The following RASAL2 variants were observed in gnomAD, a reference collection of about 807,000 sequenced individuals.
The protein encoded by RASAL2 is ras GTPase-activating protein nGAP.
RASAL2 carries 58 observed loss-of-function variants against 128.9 expected under a neutral mutation model. That is an observed-to-expected ratio of 0.45 (90% CI 0.36 to 0.56). The LOEUF (loss-of-function observed/expected upper bound fraction) is 0.56. Among genes scored for constraint, RASAL2 ranks in the 20% least tolerant of loss-of-function variants. The probability of loss-of-function intolerance (pLI) is 0.00; values close to 1 mark genes in which losing one functional copy is unlikely to be tolerated. For synonymous variants in RASAL2, 561 were observed against 580.8 expected, an observed-to-expected ratio of 0.97 and a Z score of 0.49; for missense variants, 1,360 against 1,601.6, an observed-to-expected ratio of 0.85 and a Z score of 2.57.
intron 3 of RASAL2, among the ~76,000 whole-genome samples, chr1:178,379,573 T>C (rs1672168342): frequency 6.6e-6 from 1 of 152,172 alleles, no homozygotes; most frequent in Non-Finnish European, 1.5e-5. Flanking sequence ...CAATCAGTGA[T>C]AATTCAGTTT....
intron 2 of RASAL2, among the ~76,000 whole-genome samples, chr1:178,296,113 G>A (rs996365744): frequency 4.6e-5 from 5 of 108,732 alleles, no homozygotes; most frequent in Middle Eastern, 5.2e-3. Context: ...GTATATATGT[G>A]TGTATATATA....
chr1:178,332,569 A>T (rs908778681), intron 3 of RASAL2, among the ~76,000 whole-genome samples: 9 of 151,492 alleles, frequency 5.9e-5, no homozygotes, highest in African/African-American at 2.2e-4. Flanking sequence ...GATGGAAACC[A>T]TTCTTTATTT....
At position 178,128,881 on chromosome 1, in the gene RASAL2, A is replaced by G. The variant is rs540149777; in HGVS notation, c.202+34187A>G. Among the ~76,000 whole-genome samples, 221 of 152,146 alleles carry G rather than the reference A, an allele frequency of 1.5e-3. 3 individuals are homozygous for G. The highest frequency in any genetic ancestry group is 5.8e-4 in the East Asian group (3 of 5,172). On this transcript the variant is annotated intron_variant, in intron 1 of 17. Coordinates refer to ENST00000367649, the MANE Select transcript of RASAL2 (RefSeq NM_170692.4). ...AGTACTTCATTCTTTTTTTTGGCTG[A>G]ATAAGATTCTATTGTATAGATATAC... is the stretch of plus-strand genomic sequence containing the variant.
intron 1 of RASAL2, among the ~76,000 whole-genome samples, chr1:178,144,713 T>A (rs1660660017): frequency 6.6e-6 from 1 of 152,240 alleles, no homozygotes; most frequent in Non-Finnish European, 1.5e-5. Flanking sequence ...AATATGACTT[T>A]GGAATAATGC....
chr1:178,243,469 A>T (rs549296009), intron 1 of RASAL2, among the ~76,000 whole-genome samples: 1 of 152,110 alleles, frequency 6.6e-6, no homozygotes, highest in South Asian at 2.1e-4. Flanking sequence ...CCACCTGGCT[A>T]CCTGAATCTC....
intron 1 of RASAL2, among the ~76,000 whole-genome samples, chr1:178,207,905 G>A (rs1182605869): frequency 6.6e-6 from 1 of 152,068 alleles, no homozygotes; most frequent in African/African-American, 2.4e-5. Context: ...ATCATGTTGC[G>A]GGAGGTCAGG....
At chr1:178,292,829 A>G (rs1667340322) in intron 2 of RASAL2, among the ~76,000 whole-genome samples, 1 of 152,222 alleles carries the variant, frequency 6.6e-6, no homozygotes, top group Non-Finnish European at 1.5e-5. Flanking sequence ...TCTATTAGGC[A>G]GGGTCCATTT....
At chr1:178,242,711 GTGATACAGA>G (rs1664571242) in intron 1 of RASAL2, among the ~76,000 whole-genome samples, 1 of 151,798 alleles carries the variant, frequency 6.6e-6, no homozygotes, top group South Asian at 2.1e-4. Flanking sequence ...TAGATCTCTG[GTGATACAGA>G]TGTTGGATCT....
chr1:178,269,172 C>T (rs550488629), intron 1 of RASAL2, among the ~76,000 whole-genome samples: 1 of 152,146 alleles, frequency 6.6e-6, no homozygotes, highest in Non-Finnish European at 1.5e-5. Flanking sequence ...TCTCTCTTCC[C>T]CATGTGAGGA....
chr1:178,228,931 TCAA>T (rs1196627948), intron 1 of RASAL2, among the ~76,000 whole-genome samples: 11 of 152,128 alleles, frequency 7.2e-5, no homozygotes, highest in African/African-American at 2.7e-4. Flanking sequence ...TATTATAGAC[TCAA>T]AGGAAGAGGT....
At chr1:178,393,281 C>G (rs1244723455) in intron 4 of RASAL2, among the ~76,000 whole-genome samples, 5 of 152,136 alleles carry the variant, frequency 3.3e-5, no homozygotes, top group Non-Finnish European at 7.3e-5. Flanking sequence ...TTATGCAACT[C>G]ACCATAATGT....
At chr1:178,372,999 T>C (rs1671796925) in intron 3 of RASAL2, among the ~76,000 whole-genome samples, 1 of 152,110 alleles carries the variant, frequency 6.6e-6, no homozygotes, top group Admixed American at 6.6e-5. Context: ...TTGTGAATAC[T>C]TTCCCTAGAT....
chr1:178,385,415 C>T (rs772402125), intron 3 of RASAL2, among the ~76,000 whole-genome samples: 1 of 151,850 alleles, frequency 6.6e-6, no homozygotes, highest in East Asian at 1.9e-4. Flanking sequence ...CCAGCCTGGG[C>T]GACTGTCTTA....
intron 13 of RASAL2, among the ~76,000 whole-genome samples, 183 bp downstream of exon 13, chr1:178,457,082 T>G (rs1211559990): frequency 6.6e-6 from 1 of 152,236 alleles, no homozygotes; most frequent in Admixed American, 6.5e-5. Context: ...TGACTTATTT[T>G]CTAGAATGGT....
intron 1 of RASAL2, among the ~76,000 whole-genome samples, chr1:178,152,330 A>T (rs571609062): frequency 3.7e-4 from 56 of 152,332 alleles, no homozygotes; most frequent in Non-Finnish European, 7.2e-4. Flanking sequence ...TGCCCTACGC[A>T]TCTCTTTCAT....
chr1:178,421,627 A>AT (rs1402058124), intron 5 of RASAL2, among the ~76,000 whole-genome samples: 3 of 152,052 alleles, frequency 2.0e-5, no homozygotes, highest in African/African-American at 7.2e-5. Flanking sequence ...TGCCTCTCAT[A>AT]TTTGATACTC....
chr1:178,430,191 A>G (rs909208252), intron 5 of RASAL2, among the ~76,000 whole-genome samples: 12 of 152,076 alleles, frequency 7.9e-5, no homozygotes, highest in African/African-American at 2.7e-4. Flanking sequence ...AAGAATTACA[A>G]TCTTTTAAAA....
At chr1:178,104,856 C>G (rs1187188006) in intron 1 of RASAL2, among the ~76,000 whole-genome samples, 5 of 152,134 alleles carry the variant, frequency 3.3e-5, no homozygotes, top group Non-Finnish European at 7.4e-5. Context: ...AGTATAGACT[C>G]AAAGCAATTG....
At chr1:178,254,734 G>A (rs577878251) in intron 1 of RASAL2, among the ~76,000 whole-genome samples, 2 of 152,070 alleles carry the variant, frequency 1.3e-5, no homozygotes, top group East Asian at 1.9e-4. Context: ...AGGAGAGAGA[G>A]AAAGAAACAG....
Sources: allele counts gnomAD v4.1 joint callset (sites outside exome capture counted in the v4.1 genomes callset), GRCh38; gene constraint gnomAD v4.1.1; transcripts MANE v1.5; gene names NCBI Gene and HGNC (gene_info 2026-07-23, HGNC 2026-07-21).